TEX26: variants seen among roughly 807,000 people sequenced by gnomAD.
The protein encoded by TEX26 is testis expressed 26.
A neutral mutation model predicts 35.3 loss-of-function variants in TEX26; 34 were observed. The observed-to-expected ratio is 0.96, with a 90% CI of 0.73 to 1.28. The LOEUF is 1.28. Ranked by LOEUF, TEX26 falls within the 50% of genes most tolerant of loss-of-function variation. The pLI, the probability that TEX26 is intolerant of heterozygous loss-of-function variation, is 0.00. For missense variants in TEX26, 371 were observed against 330.1 expected (o/e 1.12, Z -0.96); for synonymous variants, 136 against 111.8 (o/e 1.22, Z -1.36).
At chr13:30,953,882 T>G (rs897299391) in intron 3 of TEX26, among the ~76,000 whole-genome samples, 1 of 152,176 alleles carries the variant, frequency 6.6e-6, no homozygotes, top group African/African-American at 2.4e-5. Flanking sequence ...CCTTGATGCA[T>G]TCAATAGATG....
chr13:30,952,748 A>C lies in TEX26; in HGVS notation c.235A>C (p.Lys79Gln), dbSNP rs1173764734. 1 of 1,613,198 alleles carries C rather than the reference A, an allele frequency of 6.2e-7. No homozygotes were observed. Among genetic ancestry groups the C allele is most frequent in the South Asian group, 1.1e-5 (1 of 90,952 alleles). ...ACAATATAGTGATGAGTACACTTGG[A>C]AATCACACTCTAAAGAAGATTTGAT... ...QTQYSDEYTWKSHSKEDLIKT... is the reference protein window; with the variant it reads ...QTQYSDEYTWQSHSKEDLIKT... Residue 79 changes from lysine (K) to glutamine (Q), a missense_variant, in exon 3 of 7, where the codon AAA becomes CAA. Coordinates refer to ENST00000380473, the MANE Select transcript of TEX26 (RefSeq NM_152325.3).
chr13:30,933,082 G>C lies in TEX26; in HGVS notation c.61+306G>C, dbSNP rs541901030. On this transcript the variant is annotated intron_variant, in intron 1 of 6. Coordinates refer to ENST00000380473, the MANE Select transcript of TEX26 (RefSeq NM_152325.3). Reference sequence around the variant, plus strand: ...AAGGAAGAACTGGTGATTTTCCAAGGAAAACAGGGCCAAAGGCAAAGAAGA... The same window carrying C: ...AAGGAAGAACTGGTGATTTTCCAAGCAAAACAGGGCCAAAGGCAAAGAAGA... The C allele has an allele frequency of 2.2e-3, 651 of 296,558 alleles. 1 individual carries two copies. The highest frequency in any genetic ancestry group is 3.5e-3 in the Non-Finnish European group (563 of 158,876). The allele number at this position is 296,558 out of a possible 1,614,324, so 18.4% of individuals were successfully genotyped here.
chr13:30,969,294 G>C (rs1456873783), intron 6 of TEX26, among the ~76,000 whole-genome samples: 1 of 151,968 alleles, frequency 6.6e-6, no homozygotes, highest in Non-Finnish European at 1.5e-5. Flanking sequence ...ACTCATTTCT[G>C]TTCTCATTTT....
chr13:30,942,779 G>A (rs184657277), intron 2 of TEX26, among the ~76,000 whole-genome samples: 251 of 152,176 alleles, frequency 1.6e-3, no homozygotes, highest in African/African-American at 5.6e-3. Flanking sequence ...CTTTGTCAAA[G>A]ATCACTTCAT....
chr13:30,938,810 A>G (rs559783580), intron 1 of TEX26, among the ~76,000 whole-genome samples: 1 of 152,074 alleles, frequency 6.6e-6, no homozygotes, highest in South Asian at 2.1e-4. Context: ...TCACCTCTCT[A>G]ACAGTTCTTT....
At chr13:30,942,759 T>C (rs1230067728) in intron 2 of TEX26, among the ~76,000 whole-genome samples, 1 of 152,170 alleles carries the variant, frequency 6.6e-6, no homozygotes, top group East Asian at 1.9e-4. Context: ...CAAATTTATG[T>C]TTTTGTATGC....
At chr13:30,974,704 A>G in intron 6 of TEX26, 142 bp from the exon 7 acceptor site, 3 of 703,554 alleles carry the variant, frequency 4.3e-6, no homozygotes, top group Non-Finnish European at 2.3e-6. Flanking sequence ...ATTAGGTATA[A>G]TAGCCTGCTA....
chr13:30,933,624 T>C (rs1176897736), intron 1 of TEX26: 3 of 152,216 alleles, frequency 2.0e-5, no homozygotes, highest in African/African-American at 7.2e-5. Flanking sequence ...CATATTTTCA[T>C]TCCAATTCAT....
At chr13:30,951,575 C>T (rs968563781) in intron 2 of TEX26, among the ~76,000 whole-genome samples, 1 of 151,960 alleles carries the variant, frequency 6.6e-6, no homozygotes, top group Non-Finnish European at 1.5e-5. Context: ...ACAACAAATC[C>T]CCCACTATGA....
chr13:30,958,674 T>C (rs1954225378), intron 4 of TEX26, among the ~76,000 whole-genome samples: 1 of 152,208 alleles, frequency 6.6e-6, no homozygotes, highest in African/African-American at 2.4e-5. Context: ...TCTGTCTCCC[T>C]GTCCCCTGAA....
intron 5 of TEX26, among the ~76,000 whole-genome samples, chr13:30,966,854 G>T (rs1231391601): frequency 6.6e-6 from 1 of 152,230 alleles, no homozygotes; most frequent in Non-Finnish European, 1.5e-5. Context: ...GAAAGCCAGA[G>T]ATCCTGGCAT....
chr13:30,937,726 G>A (rs1030218799), intron 1 of TEX26, among the ~76,000 whole-genome samples: 5 of 152,234 alleles, frequency 3.3e-5, no homozygotes, highest in East Asian at 1.9e-4. Context: ...CACAGTTACA[G>A]AGTGGGGAAT....
chr13:30,937,537 A>G (rs1308949852), intron 1 of TEX26, among the ~76,000 whole-genome samples: 1 of 152,206 alleles, frequency 6.6e-6, no homozygotes, highest in East Asian at 1.9e-4. Context: ...CATGCCTCAC[A>G]ATTTCTTCCC....
intron 1 of TEX26, among the ~76,000 whole-genome samples, chr13:30,939,019 T>C (rs1387011677): frequency 6.6e-6 from 1 of 152,218 alleles, no homozygotes; most frequent in African/African-American, 2.4e-5. Flanking sequence ...CCAGATGACT[T>C]GGAGGAGTTT....
intron 3 of TEX26, among the ~76,000 whole-genome samples, chr13:30,953,593 C>T (rs1954011374): frequency 6.6e-6 from 1 of 152,218 alleles, no homozygotes; most frequent in South Asian, 2.1e-4. Context: ...CCTTGTGTTT[C>T]ATACGCTCTC....
chr13:30,954,277 T>TACACAC (rs56003143), intron 3 of TEX26, among the ~76,000 whole-genome samples: 107 of 137,948 alleles, frequency 7.8e-4, no homozygotes, highest in African/African-American at 2.8e-3. Context: ...TATAGACCTA[T>TACACAC]ACACACACAC....
chr13:30,966,432 C>G, intron 5 of TEX26, 34 bp downstream of exon 5: 1 of 994,330 alleles, frequency 1.0e-6, no homozygotes, highest in South Asian at 1.8e-5. Context: ...TTCTTTTTCT[C>G]TTTTTTTTTT....
At chr13:30,967,887 A>C (rs1052265399) in intron 5 of TEX26, among the ~76,000 whole-genome samples, 1 of 152,176 alleles carries the variant, frequency 6.6e-6, no homozygotes, top group African/African-American at 2.4e-5. Flanking sequence ...ATGACTGTAA[A>C]CACCATCGTT....
At chr13:30,959,414 T>C (rs1221233021) in intron 4 of TEX26, among the ~76,000 whole-genome samples, 1 of 152,198 alleles carries the variant, frequency 6.6e-6, no homozygotes, top group Non-Finnish European at 1.5e-5. Context: ...AAGCTGAGGA[T>C]TTGGCTATCC....
Sources: gnomAD v4.1 joint callset for allele counts (sites outside exome capture counted in the v4.1 genomes callset) on GRCh38, gnomAD v4.1.1 for gene constraint, MANE v1.5 for transcripts, NCBI Gene and HGNC (gene_info 2026-07-23, HGNC 2026-07-21) for gene names.